Variants in EXOC6 observed in about 807,000 individuals in gnomAD.
EXOC6 encodes exocyst complex component 6, also known as SEC15-like 1.
A neutral mutation model predicts 112.5 loss-of-function variants in EXOC6; 60 were observed. That is an observed-to-expected ratio of 0.53 (90% CI 0.43 to 0.66). The LOEUF (loss-of-function observed/expected upper bound fraction) is 0.66, where lower values mean the gene tolerates loss of function less well. Ranked by LOEUF, EXOC6 falls within the 30% of genes least tolerant of loss-of-function variation. The pLI is 0.00. For missense variants in EXOC6, 855 were observed against 957.1 expected, an observed-to-expected ratio of 0.89 and a Z score of 1.41; for synonymous variants, 295 against 308.0, an observed-to-expected ratio of 0.96 and a Z score of 0.44.
chr10:93,018,453 A>T (rs1210582083), intron 20 of EXOC6, among the ~76,000 whole-genome samples: 1 of 152,134 alleles, frequency 6.6e-6, no homozygotes, highest in Non-Finnish European at 1.5e-5. Flanking sequence ...CAAACACATC[A>T]TTATTGGCAT....
chr10:92,940,717 T>C lies in EXOC6; in HGVS notation c.1213-10T>C. The stretch of plus-strand genomic sequence containing the variant: ...TTGTTTATCTGCTTTTTTTTTTTTT[T>C]GTATTTTAGGGTTATGGTTTTCCAG... On this transcript the variant is annotated splice_polypyrimidine_tract_variant and intron_variant, in intron 12 of 21. Coordinates refer to ENST00000260762, the MANE Select transcript of EXOC6 (RefSeq NM_019053.6). 6.5e-7 allele frequency: 1 copy of C among 1,527,144 alleles called. No homozygotes were observed. Among genetic ancestry groups the C allele is most frequent in the Non-Finnish European group, 8.9e-7 (1 of 1,129,618 alleles). 94.6% of individuals were successfully genotyped at this position (1,527,144 alleles called of 1,614,324 possible).
At chr10:92,978,220 G>A (rs1842704828) in intron 18 of EXOC6, among the ~76,000 whole-genome samples, 1 of 152,074 alleles carries the variant, frequency 6.6e-6, no homozygotes, top group Non-Finnish European at 1.5e-5. Context: ...GACTAGTCTG[G>A]GCAACATGGT....
intron 1 of EXOC6, among the ~76,000 whole-genome samples, chr10:92,868,624 A>G (rs1848291466): frequency 6.6e-6 from 1 of 152,198 alleles, no homozygotes; most frequent in African/African-American, 2.4e-5. Context: ...TTATAAATTA[A>G]TTAGGGAGAA....
chr10:92,903,626 CTTTTT>C (rs535880567), intron 5 of EXOC6, among the ~76,000 whole-genome samples: 4 of 150,420 alleles, frequency 2.7e-5, no homozygotes, highest in Admixed American at 1.3e-4. Context: ...ACATCTTTTG[CTTTTT>C]TTTTATTTAA....
chr10:92,896,581 TGTA>T (rs928241218), intron 4 of EXOC6, among the ~76,000 whole-genome samples: 3 of 138,072 alleles, frequency 2.2e-5, no homozygotes, highest in African/African-American at 2.8e-5. Flanking sequence ...CTAAAAAAAT[TGTA>T]GTATTATTAT....
At chr10:92,961,043 T>A (rs1171436986) in intron 17 of EXOC6, among the ~76,000 whole-genome samples, 2 of 152,186 alleles carry the variant, frequency 1.3e-5, no homozygotes, top group African/African-American at 4.8e-5. Flanking sequence ...ATTTAATTTT[T>A]AGTAGTAAAG....
chr10:92,847,832 G>A (rs962610873), upstream of EXOC6, among the ~76,000 whole-genome samples: 41 of 114,388 alleles, frequency 3.6e-4, no homozygotes, highest in African/African-American at 1.2e-3. Context: ...CATCGCCCTG[G>A]GCCTTTTTTT....
chr10:92,975,032 C>G (rs1842457563), intron 18 of EXOC6, among the ~76,000 whole-genome samples: 1 of 150,546 alleles, frequency 6.6e-6, no homozygotes, highest in African/African-American at 2.4e-5. Flanking sequence ...CGCCCATTGT[C>G]TGGGACGTGA....
chr10:92,870,603 C>A (rs1848399789), intron 1 of EXOC6, among the ~76,000 whole-genome samples: 1 of 152,062 alleles, frequency 6.6e-6, no homozygotes, highest in African/African-American at 2.4e-5. Flanking sequence ...GTGCACTTTG[C>A]ACATTGGTAC....
chr10:92,867,845 A>AT (rs1047530567), intron 1 of EXOC6, among the ~76,000 whole-genome samples: 1 of 152,094 alleles, frequency 6.6e-6, no homozygotes, highest in Admixed American at 6.5e-5. Flanking sequence ...ATATATCTGC[A>AT]TTTTTTTGGA....
At chr10:93,038,504 G>A (rs184748422) in intron 20 of EXOC6, among the ~76,000 whole-genome samples, 9 of 152,234 alleles carry the variant, frequency 5.9e-5, no homozygotes, top group East Asian at 1.9e-4. Context: ...AACATGACAC[G>A]TAATTTCCCT....
At chr10:92,960,607 A>AG (rs1853932750) in intron 17 of EXOC6, among the ~76,000 whole-genome samples, 1 of 151,774 alleles carries the variant, frequency 6.6e-6, no homozygotes, top group South Asian at 2.1e-4. Context: ...AAAAAAAAAA[A>AG]AGGCGAACAC....
chr10:93,020,621 T>A (rs780082321), intron 20 of EXOC6, among the ~76,000 whole-genome samples: 14 of 152,150 alleles, frequency 9.2e-5, no homozygotes, highest in Non-Finnish European at 1.9e-4. Context: ...ACACAGCTGT[T>A]TAATTGGACT....
intron 5 of EXOC6, among the ~76,000 whole-genome samples, chr10:92,906,929 A>AC (rs1333798362): frequency 6.6e-6 from 1 of 152,166 alleles, no homozygotes; most frequent in Non-Finnish European, 1.5e-5. Flanking sequence ...ATGTGTATCT[A>AC]AAGGAGAAAT....
At chr10:92,956,416 T>C (rs1344610390) in intron 17 of EXOC6, among the ~76,000 whole-genome samples, 1 of 152,154 alleles carries the variant, frequency 6.6e-6, no homozygotes, top group African/African-American at 2.4e-5. Flanking sequence ...AAGTTTCCTA[T>C]TAAAAAGAAT....
chr10:92,961,627 T>G (rs1854006954), intron 17 of EXOC6, among the ~76,000 whole-genome samples: 1 of 151,136 alleles, frequency 6.6e-6, no homozygotes, highest in Admixed American at 6.6e-5. Context: ...ATTTTTTCAG[T>G]TCTGTAAACA....
At chr10:92,894,867 A>G (rs1849672262) in intron 3 of EXOC6, 26 bp downstream of exon 3, 1 of 1,612,282 alleles carries the variant, frequency 6.2e-7, no homozygotes, top group African/African-American at 1.3e-5. Context: ...TTTTCTGGGT[A>G]TTCAGTATGT....
At position 93,036,218 on chromosome 10, in the gene EXOC6, C is replaced by CAA. The variant is rs58823676; in HGVS notation, c.2170-20695_2170-20694dup. Reference sequence around the variant, plus strand: ...GGGCAACAAGAGTGAAACTCCATCTCAAAAAAAAAAAAGAAAAAAAAGAGA... The same window carrying CAA: ...GGGCAACAAGAGTGAAACTCCATCTCAAAAAAAAAAAAAAGAAAAAAAAGAGA... On this transcript the variant is annotated intron_variant, in intron 20 of 21. Coordinates refer to ENST00000260762, the MANE Select transcript of EXOC6 (RefSeq NM_019053.6). 1.2e-3 allele frequency among the ~76,000 whole-genome samples: 169 copies of CAA among 140,584 alleles called. 1 individual carries two copies. The highest frequency in any genetic ancestry group is 3.8e-3 in the Middle Eastern group (1 of 262). 92.2% of individuals were successfully genotyped at this position (140,584 alleles called of 152,430 possible). A position where few individuals can be genotyped will look rare whatever the true frequency, so the allele number is the denominator to read the frequency against.
intron 20 of EXOC6, among the ~76,000 whole-genome samples, chr10:93,037,807 T>A (rs1373056726): frequency 2.7e-5 from 4 of 150,148 alleles, no homozygotes; most frequent in Non-Finnish European, 5.9e-5. Flanking sequence ...ATCCCAGCAC[T>A]TTGGGAGGCC....
Sources: gnomAD v4.1 joint callset for allele counts (sites outside exome capture counted in the v4.1 genomes callset) on GRCh38, gnomAD v4.1.1 for gene constraint, MANE v1.5 for transcripts, NCBI Gene and HGNC (gene_info 2026-07-23, HGNC 2026-07-21) for gene names.